Variants in GNAL observed in about 807,000 individuals in gnomAD.
GNAL encodes the protein guanine nucleotide-binding protein G(olf) subunit alpha.
A neutral mutation model predicts 55.1 loss-of-function variants in GNAL; 18 were observed. The ratio of observed to expected loss-of-function variants is 0.33; its 90% CI spans 0.23 to 0.48. The LOEUF is 0.48. Among genes scored for constraint, GNAL ranks in the 20% least tolerant of loss-of-function variants. The pLI, the probability that GNAL is intolerant of heterozygous loss-of-function variation, is 0.99. For synonymous variants in GNAL, 253 were observed against 237.0 expected (o/e 1.07, Z -0.62); for missense variants, 412 against 614.1 (o/e 0.67, Z 3.48).
chr18:11,832,532 T>A lies in GNAL; in HGVS notation c.722+7517T>A, dbSNP rs1290280321. ...TTATTAGCACAAATGAAATTTCAAC[T>A]TCAAAGTTAATTTTTTGAAGGTCAT... On this transcript the variant is annotated intron_variant, in intron 5 of 11. Coordinates refer to ENST00000334049, the MANE Select transcript of GNAL (RefSeq NM_182978.4). Among the ~76,000 whole-genome samples the A allele has an allele frequency of 2.0e-5, 3 of 152,160 alleles. No individual in the cohort carries two copies. In the South Asian group the frequency reaches 6.2e-4, roughly 31 times the overall value.
intron 4 of GNAL, among the ~76,000 whole-genome samples, chr18:11,762,648 C>T (rs1451602463): frequency 6.6e-6 from 1 of 152,290 alleles, no homozygotes; most frequent in African/African-American, 2.4e-5. Context: ...AGTCAGGCCA[C>T]GGCGGGTTAG....
intron 4 of GNAL, among the ~76,000 whole-genome samples, chr18:11,808,937 C>T (rs115921824): frequency 1.4e-4 from 22 of 152,318 alleles, no homozygotes; most frequent in African/African-American, 3.4e-4. Context: ...TTATAGGAAA[C>T]GTCCAGCATA....
chr18:11,860,678 G>A (rs1429447451), intron 5 of GNAL, among the ~76,000 whole-genome samples: 3 of 152,208 alleles, frequency 2.0e-5, no homozygotes, highest in Non-Finnish European at 4.4e-5. Flanking sequence ...AAAGGTTCAA[G>A]TTTCTAGGGG....
chr18:11,884,780 C>T lies in GNAL; in HGVS notation c.*3645C>T. The T allele has an allele frequency of 7.4e-7, 1 of 1,346,818 alleles. No individual in the cohort carries two copies. The highest frequency in any genetic ancestry group is 9.8e-7 in the Non-Finnish European group (1 of 1,017,342). 83.4% of individuals were successfully genotyped at this position (1,346,818 alleles called of 1,614,324 possible). A position where few individuals can be genotyped will look rare whatever the true frequency, so the allele number is the denominator to read the frequency against. ...TCACCTGAGACCAAGGGGGCCCAGCCTTCTCCCTGCACAGCTCACCCCCGA... is the reference window on the plus strand; with the variant it reads ...TCACCTGAGACCAAGGGGGCCCAGCTTTCTCCCTGCACAGCTCACCCCCGA... On this transcript the variant is annotated 3_prime_UTR_variant, in exon 12 of 12. Coordinates refer to ENST00000334049, the MANE Select transcript of GNAL (RefSeq NM_182978.4).
chr18:11,769,053 TA>T lies in GNAL; in HGVS notation c.624+15110del, dbSNP rs1327409095. ...TATTATATATAATATATAATATATA[TA>T]ATATATATTATAATATAGATTATAT... On this transcript the variant is annotated intron_variant, in intron 4 of 11. Transcript: ENST00000334049. Among the ~76,000 whole-genome samples, 4 of 90,454 alleles carry T rather than the reference TA, an allele frequency of 4.4e-5. No homozygotes were observed. The Admixed American group carries it at 5.2e-4, about 12-fold the overall frequency. 59.3% of individuals were successfully genotyped at this position (90,454 alleles called of 152,430 possible). A position where few individuals can be genotyped will look rare whatever the true frequency, so the allele number is the denominator to read the frequency against.
intron 1 of GNAL, among the ~76,000 whole-genome samples, chr18:11,742,546 C>T (rs983436567): frequency 1.3e-5 from 2 of 152,252 alleles, no homozygotes; most frequent in South Asian, 2.1e-4. Context: ...GGGGCTGCCT[C>T]TTAAGAAAAG....
At chr18:11,755,803 T>C (rs1451862902) in intron 4 of GNAL, among the ~76,000 whole-genome samples, 1 of 152,062 alleles carries the variant, frequency 6.6e-6, no homozygotes, top group Non-Finnish European at 1.5e-5. Context: ...CGGCAGAAGA[T>C]GCTCCAGCCA....
intron 4 of GNAL, among the ~76,000 whole-genome samples, chr18:11,766,585 G>C (rs181751684): frequency 2.6e-5 from 4 of 152,286 alleles, no homozygotes; most frequent in Admixed American, 6.5e-5. Context: ...TTATCTTGTA[G>C]TGAAGAGAAT....
chr18:11,817,274 C>A (rs1598403637), intron 4 of GNAL, among the ~76,000 whole-genome samples: 1 of 152,318 alleles, frequency 6.6e-6, no homozygotes, highest in East Asian at 1.9e-4. Context: ...GGAAGCTAGC[C>A]AGCCTCAGAG....
intron 1 of GNAL, among the ~76,000 whole-genome samples, chr18:11,697,067 G>A (rs2031435074): frequency 6.6e-6 from 1 of 152,214 alleles, no homozygotes; most frequent in South Asian, 2.1e-4. Flanking sequence ...GAAATTAATT[G>A]AAATAATGTA....
At chr18:11,703,796 C>T (rs557202230) in intron 1 of GNAL, among the ~76,000 whole-genome samples, 4 of 2,516 alleles carry the variant, frequency 1.6e-3, no homozygotes, top group African/African-American at 8.8e-3. Flanking sequence ...TGTTGATGGG[C>T]ACACACACAC....
At chr18:11,723,098 C>T (rs2032135574) in intron 1 of GNAL, among the ~76,000 whole-genome samples, 1 of 151,276 alleles carries the variant, frequency 6.6e-6, no homozygotes, top group African/African-American at 2.4e-5. Context: ...GCAGGAGAAT[C>T]ACTTGAACCT....
chr18:11,835,868 G>A (rs2035486946), intron 5 of GNAL, among the ~76,000 whole-genome samples: 1 of 152,204 alleles, frequency 6.6e-6, no homozygotes, highest in Admixed American at 6.5e-5. Context: ...CGTCCCACCA[G>A]GCGAGGTGGC....
chr18:11,823,566 G>C (rs2035161223), intron 4 of GNAL, among the ~76,000 whole-genome samples: 1 of 152,108 alleles, frequency 6.6e-6, no homozygotes, highest in Admixed American at 6.5e-5. Flanking sequence ...TTTTCAAAGA[G>C]AGCCTTCCAA....
chr18:11,792,945 G>T (rs1408321001), intron 4 of GNAL, among the ~76,000 whole-genome samples: 2 of 152,152 alleles, frequency 1.3e-5, no homozygotes, highest in Non-Finnish European at 2.9e-5. Context: ...ATAAAAAGTT[G>T]TGGAAATTTG....
At chr18:11,791,550 G>A (rs928505987) in intron 4 of GNAL, among the ~76,000 whole-genome samples, 2 of 152,136 alleles carry the variant, frequency 1.3e-5, no homozygotes, top group African/African-American at 2.4e-5. Context: ...TTTAAAGTGG[G>A]GGAGGAACTA....
chr18:11,801,587 C>T (rs2034524344), intron 4 of GNAL, among the ~76,000 whole-genome samples: 1 of 152,066 alleles, frequency 6.6e-6, no homozygotes. Flanking sequence ...AAAACATCAC[C>T]CTGGCCACTG....
chr18:11,705,725 A>G lies in GNAL; in HGVS notation c.376+15786A>G, dbSNP rs575338439. Among the ~76,000 whole-genome samples the G allele has an allele frequency of 5.5e-5, 8 of 145,362 alleles. No homozygotes were observed. The South Asian group carries it at 1.8e-3, about 33-fold the overall frequency. ...CATGATTAATAACATTGAGCTTTTC[A>G]TATACCTGCTGGACATTTCTATGTC... On this transcript the variant is annotated intron_variant, in intron 1 of 11. Transcript: ENST00000334049.
chr18:11,885,591 C>A lies in GNAL; in HGVS notation c.*4456C>A, dbSNP rs2037096070. On this transcript the variant is annotated 3_prime_UTR_variant, in exon 12 of 12. Transcript: ENST00000334049. ...TGTGTGTGGCTTTTGTAAATTTTGA[C>A]CGATTGCAGCAATTAAATAGTTGAT... The A allele has an allele frequency of 1.3e-6, 2 of 1,485,026 alleles. No homozygotes were observed. The highest frequency in any genetic ancestry group is 1.3e-5 in the South Asian group (1 of 79,608). The allele number at this position is 1,485,026 out of a possible 1,614,324, so 92.0% of individuals were successfully genotyped here. A position where few individuals can be genotyped will look rare whatever the true frequency, so the allele number is the denominator to read the frequency against.
Sources: gnomAD v4.1 joint callset for allele counts (sites outside exome capture counted in the v4.1 genomes callset) on GRCh38, gnomAD v4.1.1 for gene constraint, MANE v1.5 for transcripts, NCBI Gene and HGNC (gene_info 2026-07-23, HGNC 2026-07-21) for gene names.